The following KIRREL1 variants were observed in gnomAD, a reference collection of about 807,000 sequenced individuals.
KIRREL1 encodes kirre like nephrin family adhesion molecule 1.
Under a neutral mutation model 83.3 loss-of-function variants are expected in KIRREL1, and 25 were observed. The observed-to-expected ratio is 0.30, with a 90% CI of 0.22 to 0.42. KIRREL1 has a LOEUF of 0.42. Among genes scored for constraint, KIRREL1 ranks in the 10% least tolerant of loss-of-function variants. The pLI is 1.00. For missense variants in KIRREL1, 812 were observed against 1,032.3 expected, an observed-to-expected ratio of 0.79 and a Z score of 2.92; for synonymous variants, 388 against 410.4, an observed-to-expected ratio of 0.95 and a Z score of 0.66.
At chr1:158,017,018 A>G (rs956982409) in intron 1 of KIRREL1, among the ~76,000 whole-genome samples, 3 of 152,240 alleles carry the variant, frequency 2.0e-5, no homozygotes, top group African/African-American at 2.4e-5. Context: ...AAAAGTCGCC[A>G]TGACATCTCT....
intron 1 of KIRREL1, 140 bp downstream of exon 1, chr1:157,993,868 C>A: frequency 2.0e-6 from 1 of 489,526 alleles, no homozygotes. Flanking sequence ...GGGGCTCGGT[C>A]CGGGCGCAGA....
chr1:158,017,402 A>G (rs1266396220), intron 1 of KIRREL1, among the ~76,000 whole-genome samples: 1 of 151,564 alleles, frequency 6.6e-6, no homozygotes, highest in Non-Finnish European at 1.5e-5. Flanking sequence ...CTATTAAAAT[A>G]CATTTTTTGC....
chr1:158,062,700 TC>T (rs1008109994), intron 1 of KIRREL1, among the ~76,000 whole-genome samples: 3 of 152,098 alleles, frequency 2.0e-5, no homozygotes, highest in African/African-American at 4.8e-5. Context: ...GACACATGTG[TC>T]CCCCCTTGCA....
chr1:158,014,489 C>T (rs1659770684), intron 1 of KIRREL1, among the ~76,000 whole-genome samples: 1 of 152,096 alleles, frequency 6.6e-6, no homozygotes, highest in Non-Finnish European at 1.5e-5. Flanking sequence ...GTCTTGCCTT[C>T]TTCTCCCACC....
chr1:158,017,162 G>A (rs372599700), intron 1 of KIRREL1, among the ~76,000 whole-genome samples: 10 of 152,102 alleles, frequency 6.6e-5, no homozygotes, highest in African/African-American at 2.4e-4. Context: ...ATCATTGCAC[G>A]CACGGCCCAG....
At chr1:158,031,345 A>G (rs536159560) in intron 1 of KIRREL1, among the ~76,000 whole-genome samples, 4,114 of 135,262 alleles carry the variant, frequency 0.03, 165 homozygotes, top group African/African-American at 0.091. Context: ...ACGCGCGTGC[A>G]CACACACACA....
intron 8 of KIRREL1, 98 bp from the exon 9 acceptor site, chr1:158,089,404 C>T (rs936153861): frequency 2.5e-6 from 4 of 1,572,894 alleles, no homozygotes; most frequent in Non-Finnish European, 3.4e-6. Context: ...ACTTGTGGCC[C>T]TTCCTGCTTT....
chr1:158,090,179 C>T (rs1433866870), intron 10 of KIRREL1, among the ~76,000 whole-genome samples: 1 of 151,942 alleles, frequency 6.6e-6, no homozygotes, highest in Non-Finnish European at 1.5e-5. Context: ...TGGGCTAACA[C>T]TTCCCCTCTT....
Position 158,097,773 on chromosome 1 carries a change from T to G in KIRREL1, c.*2653T>G, listed in dbSNP as rs1294815221. ...CTGCAACATGGTGATGCCTCAGTAGTTGGTGATCCTGATCACCTTTGGTGG... is the reference window on the plus strand; with the variant it reads ...CTGCAACATGGTGATGCCTCAGTAGGTGGTGATCCTGATCACCTTTGGTGG... On this transcript the variant is annotated 3_prime_UTR_variant, in exon 15 of 15. Coordinates refer to ENST00000359209, the MANE Select transcript of KIRREL1 (RefSeq NM_018240.7). The G allele has an allele frequency of 6.6e-6, 1 of 152,334 alleles. No homozygotes were observed. The highest frequency in any genetic ancestry group is 1.5e-5 in the Non-Finnish European group (1 of 68,170). The allele number at this position is 152,334 out of a possible 1,614,324, so 9.4% of individuals were successfully genotyped here.
chr1:158,014,825 G>C (rs1659783024), intron 1 of KIRREL1, among the ~76,000 whole-genome samples: 1 of 152,006 alleles, frequency 6.6e-6, no homozygotes, highest in African/African-American at 2.4e-5. Flanking sequence ...TGTGTTAACT[G>C]CGGCCCTCTA....
chr1:157,997,180 A>C (rs1270084063), intron 1 of KIRREL1, among the ~76,000 whole-genome samples: 2 of 152,054 alleles, frequency 1.3e-5, no homozygotes, highest in East Asian at 3.9e-4. Context: ...TAAATCACAG[A>C]CTCGCATCCA....
At chr1:158,050,520 C>A (rs1323354438) in intron 1 of KIRREL1, among the ~76,000 whole-genome samples, 1 of 152,108 alleles carries the variant, frequency 6.6e-6, no homozygotes, top group Non-Finnish European at 1.5e-5. Context: ...ATTTCCTTGA[C>A]CCCTTGCAGA....
intron 2 of KIRREL1, among the ~76,000 whole-genome samples, chr1:158,077,339 G>A (rs995042409): frequency 6.6e-5 from 10 of 152,164 alleles, no homozygotes; most frequent in Non-Finnish European, 1.0e-4. Flanking sequence ...GAGAAGAATC[G>A]ATAGCCTCTG....
intron 3 of KIRREL1, among the ~76,000 whole-genome samples, chr1:158,079,831 A>G (rs538076905): frequency 5.9e-5 from 9 of 152,196 alleles, no homozygotes; most frequent in Non-Finnish European, 1.3e-4. Flanking sequence ...TTTTCTTAGC[A>G]ACTGCTGCTT....
intron 1 of KIRREL1, among the ~76,000 whole-genome samples, chr1:157,995,866 G>C (rs369923098): frequency 3.4e-4 from 51 of 151,940 alleles, no homozygotes; most frequent in African/African-American, 1.2e-3. Flanking sequence ...TCACTAGTGA[G>C]TGTTGGGGGA....
intron 1 of KIRREL1, among the ~76,000 whole-genome samples, chr1:158,066,809 G>A (rs540664555): frequency 6.6e-6 from 1 of 152,202 alleles, no homozygotes; most frequent in African/African-American, 2.4e-5. Context: ...CTTCCTCTTA[G>A]CCTCCTATCT....
intron 1 of KIRREL1, among the ~76,000 whole-genome samples, chr1:158,066,996 C>A (rs1452803458): frequency 6.6e-6 from 1 of 152,190 alleles, no homozygotes; most frequent in Non-Finnish European, 1.5e-5. Context: ...GCTCCCCATG[C>A]CATTGTCCTT....
intron 1 of KIRREL1, among the ~76,000 whole-genome samples, chr1:158,071,992 C>T (rs1432261435): frequency 6.6e-6 from 1 of 152,182 alleles, no homozygotes; most frequent in Non-Finnish European, 1.5e-5. Flanking sequence ...CTGTCCGAGG[C>T]CTGCACCTCA....
intron 1 of KIRREL1, among the ~76,000 whole-genome samples, chr1:157,995,832 G>T (rs1659182318): frequency 1.3e-5 from 2 of 151,740 alleles, no homozygotes. Context: ...GAAAGGGAGA[G>T]ACTAGACAGG....
Sources: gnomAD v4.1 joint callset for allele counts (sites outside exome capture counted in the v4.1 genomes callset) on GRCh38, gnomAD v4.1.1 for gene constraint, MANE v1.5 for transcripts, NCBI Gene and HGNC (gene_info 2026-07-23, HGNC 2026-07-21) for gene names.